The following RHOJ variants were observed in gnomAD, a reference collection of about 807,000 sequenced individuals.
The protein encoded by RHOJ is ras homolog family member J.
In RHOJ, 11 loss-of-function variants were observed where a neutral mutation model predicts 23.4. The observed-to-expected ratio is 0.47, with a 90% CI of 0.30 to 0.78. RHOJ has a LOEUF of 0.78. RHOJ is among the 30% of genes least tolerant of loss of function. The probability of loss-of-function intolerance (pLI) is 0.08; values close to 1 mark genes in which losing one functional copy is unlikely to be tolerated. For missense variants in RHOJ, 254 were observed against 273.4 expected (o/e 0.93, Z 0.50); for synonymous variants, 102 against 102.7 (o/e 0.99, Z 0.04).
chr14:63,233,049 G>A (rs1046843237), intron 1 of RHOJ, among the ~76,000 whole-genome samples: 1 of 152,098 alleles, frequency 6.6e-6, no homozygotes, highest in Non-Finnish European at 1.5e-5. Context: ...CTTCAAAGTT[G>A]AGGAGAGTAG....
intron 2 of RHOJ, among the ~76,000 whole-genome samples, chr14:63,276,020 A>AT (rs1444708976): frequency 6.6e-6 from 1 of 152,058 alleles, no homozygotes; most frequent in Non-Finnish European, 1.5e-5. Context: ...CTTTAAAAGT[A>AT]TTTTTGCTCT....
At chr14:63,231,750 G>A (rs973402394) in intron 1 of RHOJ, among the ~76,000 whole-genome samples, 11 of 152,190 alleles carry the variant, frequency 7.2e-5, no homozygotes, top group Non-Finnish European at 1.3e-4. Context: ...ATGTAGCAGT[G>A]TTGAACAAAT....
chr14:63,282,323 C>A (rs1057391880), intron 3 of RHOJ, among the ~76,000 whole-genome samples: 4 of 145,888 alleles, frequency 2.7e-5, no homozygotes, highest in Non-Finnish European at 6.0e-5. Flanking sequence ...CACACACACA[C>A]AATTAGTAGA....
At chr14:63,261,720 C>T (rs1388063014) in intron 1 of RHOJ, among the ~76,000 whole-genome samples, 1 of 152,070 alleles carries the variant, frequency 6.6e-6, no homozygotes, top group African/African-American at 2.4e-5. Context: ...CAATTACAGG[C>T]ATGAGCCACT....
chr14:63,219,893 C>T (rs746425672), intron 1 of RHOJ, among the ~76,000 whole-genome samples: 1 of 152,018 alleles, frequency 6.6e-6, no homozygotes, highest in African/African-American at 2.4e-5. Context: ...AAGGGGAATG[C>T]GCATCTCTCT....
chr14:63,231,101 C>T (rs1200438707), intron 1 of RHOJ, among the ~76,000 whole-genome samples: 1 of 152,146 alleles, frequency 6.6e-6, no homozygotes. Context: ...GCTGGCCAGG[C>T]TGGTCTCAAA....
chr14:63,232,169 C>T (rs1415277172), intron 1 of RHOJ, among the ~76,000 whole-genome samples: 1 of 152,158 alleles, frequency 6.6e-6, no homozygotes, highest in Admixed American at 6.5e-5. Flanking sequence ...TTCATCAAAT[C>T]ATTTTCAACT....
chr14:63,252,480 A>T (rs1447840051), intron 1 of RHOJ, among the ~76,000 whole-genome samples: 1 of 152,216 alleles, frequency 6.6e-6, no homozygotes, highest in Admixed American at 6.5e-5. Flanking sequence ...AGTTCAGCCC[A>T]AAGACATGAT....
intron 1 of RHOJ, among the ~76,000 whole-genome samples, chr14:63,231,942 C>T (rs1321786267): frequency 6.6e-6 from 1 of 152,114 alleles, no homozygotes. Context: ...TGTGGATTAA[C>T]GTCAGTTGGT....
chr14:63,214,720 G>C (rs1894315261), intron 1 of RHOJ, among the ~76,000 whole-genome samples: 1 of 152,158 alleles, frequency 6.6e-6, no homozygotes, highest in South Asian at 2.1e-4. Context: ...AGTCAGACTA[G>C]AGGCAAGTGG....
chr14:63,210,639 C>A (rs1166028550), intron 1 of RHOJ, among the ~76,000 whole-genome samples: 1 of 152,192 alleles, frequency 6.6e-6, no homozygotes, highest in Non-Finnish European at 1.5e-5. Flanking sequence ...TTTCTTCCCC[C>A]ATCCTATCTT....
Position 63,290,934 on chromosome 14 carries a change from G to A in RHOJ, c.555G>A (p.Ala185=), listed in dbSNP as rs138870566. The A allele has an allele frequency of 4.8e-5, 77 of 1,614,022 alleles. No homozygotes were observed. Among genetic ancestry groups the A allele is most frequent in the Admixed American group, 2.0e-4 (12 of 60,002 alleles). Residue 185 remains alanine (A), a synonymous_variant, in exon 5 of 5, where the codon GCG becomes GCA. Transcript: ENST00000316754. The stretch of plus-strand genomic sequence containing the variant: ...CTCTGACTCAGAAAGGTCTCAAAGC[G>A]GTTTTTGATGAAGCAATCCTCACCA... ...CSALTQKGLK[A]VFDEAILTIF... is the part of the protein sequence containing the mutation.
chr14:63,265,448 GGTAAT>G (rs1266731689), intron 1 of RHOJ, among the ~76,000 whole-genome samples: 1 of 152,142 alleles, frequency 6.6e-6, no homozygotes, highest in Admixed American at 6.6e-5. Flanking sequence ...TTTGAAGTAG[GGTAAT>G]GTAATACCTT....
chr14:63,233,569 A>T (rs1894735407), intron 1 of RHOJ, among the ~76,000 whole-genome samples: 1 of 152,178 alleles, frequency 6.6e-6, no homozygotes, highest in Non-Finnish European at 1.5e-5. Context: ...AGGAGAGAAA[A>T]TTTTATTTCA....
At chr14:63,285,730 C>A (rs1273051595) in intron 4 of RHOJ, among the ~76,000 whole-genome samples, 1 of 152,088 alleles carries the variant, frequency 6.6e-6, no homozygotes, top group Non-Finnish European at 1.5e-5. Context: ...TTTGTAACTG[C>A]CCCTATTGCT....
chr14:63,208,233 A>G (rs1182691495), intron 1 of RHOJ, among the ~76,000 whole-genome samples: 1 of 152,212 alleles, frequency 6.6e-6, no homozygotes, highest in Non-Finnish European at 1.5e-5. Flanking sequence ...AACAATTTTT[A>G]AAGTTCTACG....
chr14:63,273,829 T>C (rs1895514611), intron 2 of RHOJ, among the ~76,000 whole-genome samples: 1 of 152,192 alleles, frequency 6.6e-6, no homozygotes, highest in Non-Finnish European at 1.5e-5. Flanking sequence ...GACCGTCTCC[T>C]GGTGTCAGGA....
chr14:63,290,713 C>A (rs111251095), intron 4 of RHOJ, among the ~76,000 whole-genome samples, 165 bp from the exon 5 acceptor site: 12 of 132,850 alleles, frequency 9.0e-5, no homozygotes, highest in African/African-American at 2.0e-4. Context: ...ATAGCAGATA[C>A]AAATTGAAAT....
At chr14:63,290,413 A>C (rs1414699284) in intron 4 of RHOJ, among the ~76,000 whole-genome samples, 1 of 152,166 alleles carries the variant, frequency 6.6e-6, no homozygotes, top group Non-Finnish European at 1.5e-5. Context: ...GCCTTTTATC[A>C]TACCAAAGAA....
Sources: gnomAD v4.1 joint callset for allele counts (sites outside exome capture counted in the v4.1 genomes callset) on GRCh38, gnomAD v4.1.1 for gene constraint, MANE v1.5 for transcripts, NCBI Gene and HGNC (gene_info 2026-07-23, HGNC 2026-07-21) for gene names.